RBBP6: variants seen among roughly 807,000 people sequenced by gnomAD.
RBBP6 encodes the protein RB binding protein 6, ubiquitin ligase.
RBBP6 carries 25 observed loss-of-function variants against 167.7 expected under a neutral mutation model. The ratio of observed to expected loss-of-function variants is 0.15; its 90% CI spans 0.11 to 0.21. RBBP6 has a LOEUF of 0.21. Among genes scored for constraint, RBBP6 ranks in the 10% least tolerant of loss-of-function variants. RBBP6 has a pLI of 1.00. For synonymous variants in RBBP6, 789 were observed against 735.8 expected, an observed-to-expected ratio of 1.07 and a Z score of -1.17; for missense variants, 1,868 against 2,134.2, an observed-to-expected ratio of 0.88 and a Z score of 2.46.
chr16:24,562,255 G>C, intron 10 of RBBP6, 94 bp downstream of exon 10: 1 of 1,158,476 alleles, frequency 8.6e-7, no homozygotes, highest in South Asian at 1.4e-5. Flanking sequence ...TTTCTTAGTG[G>C]ACCACTGTGC....
In RBBP6 at chr16:24,571,482, C is replaced by T; in HGVS notation, c.4416C>T (p.Asp1472=). ...SSNKDFTPNR[D]KKTDYDTREY... ...ATAAAGACTTCACTCCCAATAGAGA[C>T]AAAAAAACTGACTATGACACCAGAG... Residue 1472 remains aspartate, a synonymous_variant, in exon 18 of 18, where the codon GAC becomes GAT. Coordinates refer to ENST00000319715, the MANE Select transcript of RBBP6 (RefSeq NM_006910.5). 1 of 1,611,078 alleles carries T rather than the reference C, an allele frequency of 6.2e-7. No individual in the cohort carries two copies. Among genetic ancestry groups the T allele is most frequent in the Non-Finnish European group, 8.5e-7 (1 of 1,179,338 alleles).
At chr16:24,548,549 C>T (rs989526555) in intron 2 of RBBP6, among the ~76,000 whole-genome samples, 1 of 152,102 alleles carries the variant, frequency 6.6e-6, no homozygotes, top group African/African-American at 2.4e-5. Context: ...ATGTTAACAA[C>T]AGCAGTCTTC....
intron 8 of RBBP6, among the ~76,000 whole-genome samples, chr16:24,560,848 T>G (rs1899035196): frequency 6.6e-6 from 1 of 152,206 alleles, no homozygotes; most frequent in Non-Finnish European, 1.5e-5. Flanking sequence ...TTGAGTGACT[T>G]GAGCATCTAC....
rs113825600 is a variant in RBBP6, at chr16:24,570,901, G to A, written c.3835G>A (p.Val1279Met). The A allele has an allele frequency of 1.3e-6, 2 of 1,580,722 alleles. No homozygotes were observed. The highest frequency in any genetic ancestry group is 1.7e-6 in the Non-Finnish European group (2 of 1,157,586). The change falls in exon 18 of 18, where the codon GTG becomes ATG. Residue 1279 changes from valine (V) to methionine (M), a missense_variant. This residue lies in a region of RBBP6 where 673 missense variants were observed against 691.5 expected (regional missense o/e 0.97). Coordinates refer to ENST00000319715, the MANE Select transcript of RBBP6 (RefSeq NM_006910.5). ...TSTSSTGGSPVRKSEEKTDTK... is the reference protein window; with the variant it reads ...TSTSSTGGSPMRKSEEKTDTK... ...TACGAGCTCAACTGGAGGCAGTCCT[G>A]TGCGGAAATCTGAAGAAAAAACAGA...
At chr16:24,542,059 A>G (rs1275319675) in intron 1 of RBBP6, among the ~76,000 whole-genome samples, 2 of 152,226 alleles carry the variant, frequency 1.3e-5, no homozygotes, top group African/African-American at 4.8e-5. Context: ...ATTTGCTCAA[A>G]TGATATTATG....
chr16:24,555,521 A>G, intron 4 of RBBP6, 94 bp from the exon 5 acceptor site: 1 of 930,036 alleles, frequency 1.1e-6, no homozygotes, highest in African/African-American at 1.7e-5. Flanking sequence ...GATTAGTTAG[A>G]TACTGCTCTT....
chr16:24,561,116 C>A (rs1899043448), intron 8 of RBBP6, among the ~76,000 whole-genome samples: 1 of 152,172 alleles, frequency 6.6e-6, no homozygotes, highest in African/African-American at 2.4e-5. Flanking sequence ...ATAAAAACCC[C>A]AAGTTAGCCA....
chr16:24,569,542 CAGAGTT>C lies in RBBP6; in HGVS notation c.2854_2859del (p.Glu952_Leu953del). The stretch of plus-strand genomic sequence containing the variant: ...GAGGAAAGTGAGGGTTTTCTGAACC[CAGAGTT>C]ATTAGAGACTTCTAGGAAATCAAGA... On this transcript the variant is annotated inframe_deletion, in exon 17 of 18. Transcript: ENST00000319715. 1 of 1,611,884 alleles carries C rather than the reference CAGAGTT, an allele frequency of 6.2e-7. No individual in the cohort carries two copies. The highest frequency in any genetic ancestry group is 8.5e-7 in the Non-Finnish European group (1 of 1,179,472).
intron 3 of RBBP6, among the ~76,000 whole-genome samples, chr16:24,552,530 CTG>C (rs555647845): frequency 3.3e-4 from 50 of 151,782 alleles, no homozygotes; most frequent in African/African-American, 1.1e-3. Flanking sequence ...TTTTTAAAAA[CTG>C]ATATTAAAAT....
At chr16:24,542,848 GAAAT>G (rs1596497760) in intron 1 of RBBP6, among the ~76,000 whole-genome samples, 1 of 152,230 alleles carries the variant, frequency 6.6e-6, no homozygotes, top group East Asian at 1.9e-4. Flanking sequence ...CCTAGCCCAG[GAAAT>G]AAATGATACG....
Position 24,553,545 on chromosome 16 carries a change from C to T in RBBP6, c.336C>T (p.Ala112=). 6.3e-7 allele frequency: 1 copy of T among 1,598,178 alleles called. No individual in the cohort carries two copies. Among genetic ancestry groups the T allele is most frequent in the South Asian group, 1.1e-5 (1 of 90,230 alleles). ...ACTCTTCCGCGTCTATTTCTCTGGC[C>T]CAGCTTACAAAGGTATATATATATA... is the stretch of plus-strand genomic sequence containing the variant. ...IDDSSASISL[A]QLTKTANLAE... Residue 112 remains alanine, a synonymous_variant, in exon 4 of 18, where the codon GCC becomes GCT. Transcript: ENST00000319715.
At chr16:24,543,899 T>A (rs551510094) in intron 1 of RBBP6, among the ~76,000 whole-genome samples, 2 of 152,148 alleles carry the variant, frequency 1.3e-5, no homozygotes, top group Non-Finnish European at 2.9e-5. Context: ...ATGCCTTTCA[T>A]GTCTGGGGTC....
At chr16:24,570,844 A>G in intron 17 of RBBP6, 32 bp from the exon 18 acceptor site, 1 of 1,369,848 alleles carries the variant, frequency 7.3e-7, no homozygotes. Flanking sequence ...TAAATTCTTC[A>G]TTAATTAAAA....
At chr16:24,551,470 T>C in intron 3 of RBBP6, among the ~76,000 whole-genome samples, 1 of 151,964 alleles carries the variant, frequency 6.6e-6, no homozygotes, top group Middle Eastern at 3.4e-3. Context: ...TGAGGTAAAT[T>C]TGACTTCTTT....
chr16:24,563,134 C>CT, intron 10 of RBBP6, 65 bp from the exon 11 acceptor site: 1 of 1,362,588 alleles, frequency 7.3e-7, no homozygotes, highest in Non-Finnish European at 1.0e-6. Context: ...CAGCAGCAAA[C>CT]TTTTTTACTC....
chr16:24,551,472 G>T (rs1898792973), intron 3 of RBBP6, among the ~76,000 whole-genome samples: 1 of 151,748 alleles, frequency 6.6e-6, no homozygotes, highest in South Asian at 2.1e-4. Flanking sequence ...AGGTAAATTT[G>T]ACTTCTTTGT....
In RBBP6 at chr16:24,561,655, G is replaced by T; in HGVS notation, c.891G>T (p.Pro297=). 6.2e-7 allele frequency: 1 copy of T among 1,614,036 alleles called. No homozygotes were observed. Among genetic ancestry groups the T allele is most frequent in the South Asian group, 1.1e-5 (1 of 91,076 alleles). ...ALLESDEHTC[P]TCHQNDVSPD... ...TGGAATCAGATGAGCACACATGTCCGACGTGTCATCAAAATGATGTTTCTC... is the reference window on the plus strand; with the variant it reads ...TGGAATCAGATGAGCACACATGTCCTACGTGTCATCAAAATGATGTTTCTC... The change falls in exon 9 of 18, where the codon CCG becomes CCT. Residue 297 remains proline (P), a synonymous_variant. Transcript: ENST00000319715.
rs1567267954 is a variant in RBBP6, at chr16:24,539,662, G to T, written c.-965G>T. On this transcript the variant is annotated 5_prime_UTR_variant, in exon 1 of 18. Transcript: ENST00000319715. ...GGTGAGAGCCCCCGAGCGGCAGGGG[G>T]CCAACACAAAAAGGGAGCCGGAGAA... 3 of 152,198 alleles carry T rather than the reference G, an allele frequency of 2.0e-5. No homozygotes were observed. The highest frequency in any genetic ancestry group is 2.0e-4 in the Admixed American group (3 of 15,284). 9.4% of individuals were successfully genotyped at this position (152,198 alleles called of 1,614,324 possible).
At chr16:24,562,328 C>T (rs1298347432) in intron 10 of RBBP6, among the ~76,000 whole-genome samples, 167 bp downstream of exon 10, 1 of 152,114 alleles carries the variant, frequency 6.6e-6, no homozygotes, top group East Asian at 1.9e-4. Context: ...GGAAAACAAA[C>T]GTGATTGATT....
Sources: gnomAD v4.1 joint callset for allele counts (sites outside exome capture counted in the v4.1 genomes callset) on GRCh38, gnomAD v4.1.1 for gene constraint, gnomAD v4.1.1 regional missense constraint, MANE v1.5 for transcripts, NCBI Gene and HGNC (gene_info 2026-07-23, HGNC 2026-07-21) for gene names.